The following SUCO variants were observed in gnomAD, a reference collection of about 807,000 sequenced individuals.
The protein encoded by SUCO is SUN domain-containing ossification factor.
A neutral mutation model predicts 148.1 loss-of-function variants in SUCO; 57 were observed. The ratio of observed to expected loss-of-function variants is 0.38; its 90% confidence interval spans 0.31 to 0.48. SUCO has a LOEUF of 0.48. Among genes scored for constraint, SUCO ranks in the 20% least tolerant of loss-of-function variants. The pLI is 0.96. For missense variants in SUCO, 1,331 were observed against 1,468.2 expected, an observed-to-expected ratio of 0.91 and a Z score of 1.53; for synonymous variants, 470 against 502.7, an observed-to-expected ratio of 0.93 and a Z score of 0.87.
chr1:172,603,542 C>T (rs1169134268), intron 22 of SUCO, among the ~76,000 whole-genome samples: 1 of 151,938 alleles, frequency 6.6e-6, no homozygotes, highest in Non-Finnish European at 1.5e-5. Context: ...CAGACTTAAC[C>T]CATTACATGT....
At chr1:172,586,680 C>G (rs1656269941) in intron 17 of SUCO, among the ~76,000 whole-genome samples, 1 of 152,076 alleles carries the variant, frequency 6.6e-6, no homozygotes, top group Non-Finnish European at 1.5e-5. Flanking sequence ...AACAACTCTA[C>G]TTAAAGAGTA....
chr1:172,569,013 T>C lies in SUCO; in HGVS notation c.733-6T>C. 1 of 1,560,832 alleles carries C rather than the reference T, an allele frequency of 6.4e-7. No homozygotes were observed. The highest frequency in any genetic ancestry group is 1.3e-5 in the South Asian group (1 of 79,108). On this transcript the variant is annotated splice_polypyrimidine_tract_variant and splice_region_variant and intron_variant, in intron 6 of 23. Coordinates refer to ENST00000263688, the MANE Select transcript of SUCO (RefSeq NM_014283.5). ...AAGTCTTCTTACTTTTTGGTGTTTC[T>C]TTCAGAGCTCTGATTATACAAAACC...
At position 172,533,223 on chromosome 1, in the gene SUCO, T is replaced by G. The variant is rs535886717; in HGVS notation, c.-213T>G. ...GCTGCAGCGGCGGCGGTCCCCGGAG[T>G]CCTGTGAAGCGCCCCTGTCCGCGCC... On this transcript the variant is annotated 5_prime_UTR_variant, in exon 1 of 24. Coordinates refer to ENST00000263688, the MANE Select transcript of SUCO (RefSeq NM_014283.5). 6.5e-7 allele frequency: 1 copy of G among 1,535,374 alleles called. No individual in the cohort carries two copies. The highest frequency in any genetic ancestry group is 8.8e-7 in the Non-Finnish European group (1 of 1,140,672).
At chr1:172,550,862 A>G in intron 1 of SUCO, 1 of 974,060 alleles carries the variant, frequency 1.0e-6, no homozygotes, top group South Asian at 4.8e-5. Flanking sequence ...ATATTTTTGC[A>G]TAGCAAATCA....
chr1:172,560,708 C>G (rs1187443155), intron 6 of SUCO, among the ~76,000 whole-genome samples: 2 of 152,202 alleles, frequency 1.3e-5, no homozygotes. Context: ...GTATTCACCT[C>G]AGTTCCAAGT....
chr1:172,608,493 T>G (rs1461591964), intron 22 of SUCO: 5 of 467,908 alleles, frequency 1.1e-5, no homozygotes, highest in Non-Finnish European at 1.9e-5. Flanking sequence ...AGCTACTAGT[T>G]AACAACTTAA....
At chr1:172,602,824 C>T (rs1459706820) in intron 22 of SUCO, 37 bp downstream of exon 22, 1 of 1,509,706 alleles carries the variant, frequency 6.6e-7, no homozygotes, top group Non-Finnish European at 9.1e-7. Context: ...TATATATAAA[C>T]ATGAAACTAG....
intron 6 of SUCO, among the ~76,000 whole-genome samples, chr1:172,558,243 A>G (rs1653889132): frequency 6.6e-6 from 1 of 152,206 alleles, no homozygotes; most frequent in Non-Finnish European, 1.5e-5. Flanking sequence ...GCAAAATACA[A>G]CCAGACCACC....
chr1:172,603,563 A>G (rs1004664203), intron 22 of SUCO, among the ~76,000 whole-genome samples: 10 of 152,030 alleles, frequency 6.6e-5, no homozygotes, highest in African/African-American at 2.2e-4. Context: ...GTTTACTTAA[A>G]GCTAGTAAAT....
intron 4 of SUCO, among the ~76,000 whole-genome samples, chr1:172,556,248 C>A (rs1653751466): frequency 6.6e-6 from 1 of 152,114 alleles, no homozygotes; most frequent in Non-Finnish European, 1.5e-5. Flanking sequence ...CTCAATGAAG[C>A]TGATAGATCC....
In SUCO at chr1:172,549,696, G is replaced by A. The variant is rs372212333; in HGVS notation, c.63-1816G>A. Among the ~76,000 whole-genome samples the A allele has an allele frequency of 2.3e-4, 35 of 151,860 alleles. 1 individual carries two copies. The South Asian group carries it at 7.3e-3, about 32-fold the overall frequency. Reference sequence around the variant, plus strand: ...ATATTGTTTGGAAAATTTTTCCTGAGTCCCTCTGCTGTTCTTTTTAGTAAG... The same window carrying A: ...ATATTGTTTGGAAAATTTTTCCTGAATCCCTCTGCTGTTCTTTTTAGTAAG... On this transcript the variant is annotated intron_variant, in intron 1 of 23. Transcript: ENST00000263688.
chr1:172,539,884 ACTTGAGCTCTG>A (rs1652316555), intron 1 of SUCO, among the ~76,000 whole-genome samples: 1 of 152,178 alleles, frequency 6.6e-6, no homozygotes, highest in African/African-American at 2.4e-5. Context: ...GAATTGTGAG[ACTTGAGCTCTG>A]TATATAAGCT....
At chr1:172,548,890 G>T (rs1653070926) in intron 1 of SUCO, among the ~76,000 whole-genome samples, 1 of 151,846 alleles carries the variant, frequency 6.6e-6, no homozygotes, top group South Asian at 2.1e-4. Context: ...ATATCATTTT[G>T]TCCACTTAAT....
chr1:172,607,287 T>G (rs546779852), intron 22 of SUCO, among the ~76,000 whole-genome samples: 1 of 151,988 alleles, frequency 6.6e-6, no homozygotes, highest in South Asian at 2.1e-4. Context: ...AGGGAATTTG[T>G]GTGTGTGTTA....
chr1:172,578,838 C>CT (rs1414846233), intron 14 of SUCO, among the ~76,000 whole-genome samples: 21 of 151,996 alleles, frequency 1.4e-4, no homozygotes, highest in African/African-American at 4.6e-4. Context: ...TCCATTTCCT[C>CT]TTTAAGTCCT....
In SUCO at chr1:172,551,495, TG is replaced by T; in HGVS notation, c.63-15del. 6.8e-7 allele frequency: 1 copy of T among 1,475,322 alleles called. No homozygotes were observed. Among genetic ancestry groups the T allele is most frequent in the Non-Finnish European group, 9.3e-7 (1 of 1,072,530 alleles). 91.4% of individuals were successfully genotyped at this position (1,475,322 alleles called of 1,614,324 possible). The stretch of plus-strand genomic sequence containing the variant: ...TTTCTCTTTTTCTGTTTGTTGGTGG[TG>T]GTGGGTGTTTTACAGGCTTCCCAGC... On this transcript the variant is annotated splice_polypyrimidine_tract_variant and intron_variant, in intron 1 of 23. Transcript: ENST00000263688.
At chr1:172,585,709 T>C (rs1656192135) in intron 16 of SUCO, 149 bp from the exon 17 acceptor site, 2 of 602,078 alleles carry the variant, frequency 3.3e-6, no homozygotes, top group Non-Finnish European at 3.0e-6. Flanking sequence ...CATTTCTTCC[T>C]AAAAGAACTT....
intron 2 of SUCO, 89 bp downstream of exon 2, chr1:172,551,715 G>T (rs929273332): frequency 7.7e-5 from 62 of 803,996 alleles, no homozygotes; most frequent in Non-Finnish European, 1.0e-4. Flanking sequence ...TTTCAAAAAT[G>T]CCATGCCATA....
Position 172,609,231 on chromosome 1 carries a change from T to TA in SUCO, c.3321+436dup, listed in dbSNP as rs1185858398. ...ATGTTATCCTCATTTTTTTTTTTAA[T>TA]AAAAAAACAGCAACTCAGAATGTAC... On this transcript the variant is annotated intron_variant, in intron 23 of 23. Coordinates refer to ENST00000263688, the MANE Select transcript of SUCO (RefSeq NM_014283.5). 101 of 980,530 alleles carry TA rather than the reference T, an allele frequency of 1.0e-4. No individual in the cohort carries two copies. In the African/African-American group the frequency reaches 1.6e-3, roughly 15 times the overall value. 60.7% of individuals were successfully genotyped at this position (980,530 alleles called of 1,614,324 possible).
Sources: allele counts gnomAD v4.1 joint callset (sites outside exome capture counted in the v4.1 genomes callset), GRCh38; gene constraint gnomAD v4.1.1; transcripts MANE v1.5; gene names NCBI Gene and HGNC (gene_info 2026-07-23, HGNC 2026-07-21).